The following SATB1 variants were observed in gnomAD, a reference collection of about 807,000 sequenced individuals.
SATB1 encodes SATB homeobox 1, also known as DNA-binding protein SATB1.
A neutral mutation model predicts 86.9 loss-of-function variants in SATB1; 11 were observed. The ratio of observed to expected loss-of-function variants is 0.13; its 90% CI spans 0.08 to 0.21. The LOEUF (loss-of-function observed/expected upper bound fraction) is 0.21, where lower values mean the gene tolerates loss of function less well. Ranked by LOEUF, SATB1 falls within the 10% of genes least tolerant of loss-of-function variation. The pLI, the probability that SATB1 is intolerant of heterozygous loss-of-function variation, is 1.00. For missense variants in SATB1, 551 were observed against 937.6 expected (o/e 0.59, Z 5.39); for synonymous variants, 357 against 357.2 (o/e 1.00, Z 0.01).
chr3:18,378,430 A>G, intron 8 of SATB1, 105 bp from the exon 9 acceptor site: 1 of 1,128,182 alleles, frequency 8.9e-7, no homozygotes. Context: ...TTTTATGATC[A>G]AGGTGATCAA....
At chr3:18,350,339 A>G (rs1694288194) in intron 10 of SATB1, 1 of 152,332 alleles carries the variant, frequency 6.6e-6, no homozygotes, top group Non-Finnish European at 1.5e-5. Context: ...GGTTCAATCC[A>G]CCATACGACA....
intron 2 of SATB1, 77 bp downstream of exon 2, chr3:18,420,680 C>T (rs1698338911): frequency 8.5e-7 from 1 of 1,170,794 alleles, no homozygotes; most frequent in African/African-American, 1.5e-5. Flanking sequence ...TGTTCTGCCA[C>T]TCCACCCCCA....
intron 9 of SATB1, among the ~76,000 whole-genome samples, chr3:18,363,866 A>C (rs1695047495): frequency 6.6e-6 from 1 of 152,138 alleles, no homozygotes; most frequent in South Asian, 2.1e-4. Flanking sequence ...ATTGGAAAAA[A>C]AAATGTCTAA....
At chr3:18,443,514 T>C (rs949832173), upstream of SATB1, among the ~76,000 whole-genome samples, 1 of 152,222 alleles carries the variant, frequency 6.6e-6, no homozygotes, top group Non-Finnish European at 1.5e-5. The surrounding 1 kb of genome is among the most constrained non-coding windows in gnomAD (Gnocchi z 4.4). Context: ...TGACATTTGT[T>C]AGTGAAATTT....
At chr3:18,373,526 C>T (rs562809043) in intron 9 of SATB1, among the ~76,000 whole-genome samples, 79 of 152,316 alleles carry the variant, frequency 5.2e-4, no homozygotes, top group Admixed American at 7.8e-4. Context: ...ATGAAAATTA[C>T]ATTTTTAGCC....
intron 2 of SATB1, chr3:18,434,881 C>A (rs1259845023): frequency 6.6e-6 from 1 of 151,760 alleles, no homozygotes; most frequent in African/African-American, 2.4e-5. Flanking sequence ...AAAAAAATAA[C>A]CGCTAAGGCA....
chr3:18,416,135 T>C lies in SATB1; in HGVS notation c.389-2A>G, dbSNP rs1160741823. On this transcript the variant is annotated splice_acceptor_variant, in intron 3 of 10. Coordinates refer to ENST00000338745, the MANE Select transcript of SATB1 (RefSeq NM_002971.6). LOFTEE classifies it high-confidence loss of function. ...TCCACTTTCCAACCTGGATTAGCCC[T>C]ATTTCAGATAAAGAGAATATGTCAC... 6.3e-7 allele frequency: 1 copy of C among 1,598,268 alleles called. No homozygotes were observed.
chr3:18,436,438 T>C (rs1032963458), intron 2 of SATB1, among the ~76,000 whole-genome samples: 1 of 147,418 alleles, frequency 6.8e-6, no homozygotes, highest in Non-Finnish European at 1.5e-5. Flanking sequence ...AGAATGAAGC[T>C]GAGCAGGCAC....
chr3:18,425,723 G>A (rs1394069781), upstream of SATB1, among the ~76,000 whole-genome samples: 6 of 151,732 alleles, frequency 4.0e-5, no homozygotes, highest in African/African-American at 1.5e-4. Context: ...GGGCGCAGAG[G>A]GGAGGAGGAG....
intron 10 of SATB1, chr3:18,350,988 C>A: frequency 3.0e-6 from 1 of 331,110 alleles, no homozygotes; most frequent in Non-Finnish European, 5.8e-6. Context: ...TAAAATCATC[C>A]CCTTTAACAA....
chr3:18,350,587 C>A (rs1694303929), intron 10 of SATB1: 1 of 152,266 alleles, frequency 6.6e-6, no homozygotes, highest in Non-Finnish European at 1.5e-5. Context: ...TATGCATTTC[C>A]TTTTATACCC....
intron 2 of SATB1, among the ~76,000 whole-genome samples, chr3:18,432,361 A>T (rs970789734): frequency 2.6e-5 from 4 of 152,244 alleles, no homozygotes; most frequent in African/African-American, 9.6e-5. Flanking sequence ...TCCTTAGTTG[A>T]TATGAATGTT....
chr3:18,430,934 G>A (rs1048135146), intron 2 of SATB1, among the ~76,000 whole-genome samples: 8 of 152,270 alleles, frequency 5.3e-5, no homozygotes, highest in Middle Eastern at 3.4e-3. Flanking sequence ...GAGGGAAAAC[G>A]AGCAGCCATT....
rs897884001 is a variant in SATB1, at chr3:18,410,840, A to C, written c.639+4271T>G. On this transcript the variant is annotated intron_variant, in intron 5 of 10. Coordinates refer to ENST00000338745, the MANE Select transcript of SATB1 (RefSeq NM_002971.6). ...AGTTTATTAAAAACACATTTGTATA[A>C]CATGATAGATTTGTAATTGTTGCTC... is the stretch of plus-strand genomic sequence containing the variant. The C allele has an allele frequency of 1.6e-5, 6 of 364,508 alleles. No homozygotes were observed. In the Admixed American group the frequency reaches 2.8e-4, roughly 17 times the overall value. The allele number at this position is 364,508 out of a possible 1,614,324, so 22.6% of individuals were successfully genotyped here.
chr3:18,426,909 G>A (rs1698723178), upstream of SATB1, among the ~76,000 whole-genome samples: 1 of 152,146 alleles, frequency 6.6e-6, no homozygotes, highest in Non-Finnish European at 1.5e-5. The surrounding 1 kb of genome is among the most constrained non-coding windows in gnomAD (Gnocchi z 4.2). Context: ...TGGCCTCCTA[G>A]GGGAGAGTAA....
intron 9 of SATB1, among the ~76,000 whole-genome samples, chr3:18,364,697 T>C (rs1289727836): frequency 6.6e-6 from 1 of 152,020 alleles, no homozygotes; most frequent in Admixed American, 6.6e-5. Context: ...CATACATAGC[T>C]ATCAAATATA....
Position 18,352,893 on chromosome 3 carries a change from C to T in SATB1, c.1576-698G>A, listed in dbSNP as rs1204493700. 3 of 151,836 alleles carry T rather than the reference C, an allele frequency of 2.0e-5. No homozygotes were observed. Among genetic ancestry groups the T allele is most frequent in the African/African-American group, 7.3e-5 (3 of 41,208 alleles). The allele number at this position is 151,836 out of a possible 1,614,324, so 9.4% of individuals were successfully genotyped here. On this transcript the variant is annotated intron_variant, in intron 9 of 10. Transcript: ENST00000338745. This position sits in a 1 kb window ranked among gnomAD's most constrained non-coding sequence, Gnocchi z 4.1. ...TTGGGCTAAGAGAGAAGGAAATGTC[C>T]AATGACTGCCAAAATCTGCACCTCT...
At chr3:18,416,773 C>T in intron 3 of SATB1, 129 bp downstream of exon 3, 1 of 904,864 alleles carries the variant, frequency 1.1e-6, no homozygotes, top group Non-Finnish European at 1.6e-6. Flanking sequence ...TTTTTTAAAG[C>T]CACAGCCTAT....
intron 5 of SATB1, among the ~76,000 whole-genome samples, chr3:18,408,210 G>C (rs1697645166): frequency 6.6e-6 from 1 of 151,938 alleles, no homozygotes; most frequent in African/African-American, 2.4e-5. Flanking sequence ...CAAAGTTTCA[G>C]AGTAAGAATG....
Sources: allele counts gnomAD v4.1 joint callset (sites outside exome capture counted in the v4.1 genomes callset), GRCh38; gene constraint gnomAD v4.1.1; non-coding constraint Gnocchi (gnomAD v3.1); transcripts MANE v1.5; gene names NCBI Gene and HGNC (gene_info 2026-07-23, HGNC 2026-07-21).